SPRY3: variants seen among roughly 807,000 people sequenced by gnomAD.
The protein encoded by SPRY3 is sprouty RTK signaling antagonist 3.
A neutral mutation model predicts 20.2 loss-of-function variants in SPRY3; 15 were observed. The observed-to-expected ratio is 0.74, with a 90% CI of 0.50 to 1.14. The LOEUF (loss-of-function observed/expected upper bound fraction) is 1.14, where lower values mean the gene tolerates loss of function less well. Among genes scored for constraint, SPRY3 ranks in the 50% most tolerant of loss-of-function variants. The pLI is 0.00. For synonymous variants in SPRY3, 143 were observed against 136.5 expected (o/e 1.05, Z -0.33); for missense variants, 364 against 363.9 (o/e 1.00, Z 0.00).
At chrX:155,746,236 T>C (rs1156461000) in intron 2 of SPRY3, among the ~76,000 whole-genome samples, 1 of 152,054 alleles carries the variant, frequency 6.6e-6, no homozygotes, top group Non-Finnish European at 1.5e-5. Context: ...TTAATAATCT[T>C]TTACATTGAT....
rs192686349 is a variant in SPRY3 at position 155,729,609 on chromosome X, G to T, written c.-281-38353G>T. On this transcript the variant is annotated intron_variant, in intron 2 of 3. Coordinates refer to ENST00000675360, the Ensembl canonical transcript of SPRY3. The stretch of plus-strand genomic sequence containing the variant: ...AGCTGTAAGTGCCTATGTTAAAAAA[G>T]AATAAAAACTTCAAATAAATAACTG... Among the ~76,000 whole-genome samples the T allele has an allele frequency of 3.8e-4, 58 of 151,676 alleles. No individual in the cohort carries two copies. In the East Asian group the frequency reaches 0.01, roughly 27 times the overall value.
At chrX:155,720,084 C>T (rs968266618) in intron 2 of SPRY3, among the ~76,000 whole-genome samples, 3 of 152,100 alleles carry the variant, frequency 2.0e-5, no homozygotes, top group Admixed American at 6.5e-5. Context: ...AGGGTAAGTC[C>T]CAGACCAGGC....
At chrX:155,722,486 A>T (rs2091066204) in intron 2 of SPRY3, among the ~76,000 whole-genome samples, 1 of 152,152 alleles carries the variant, frequency 6.6e-6, no homozygotes, top group Non-Finnish European at 1.5e-5. Flanking sequence ...ATGCCTCTGC[A>T]CTCCAGCCTG....
rs1180081257 is a variant in SPRY3, at chrX:155,646,058, C to T, written c.-440-10809C>T. On this transcript the variant is annotated intron_variant, in intron 1 of 3. Transcript: ENST00000675360. ...CATTTGTTGAAAAAACTATTCTTCC[C>T]TTATTAGGTAATTTTGGCACACTTT... 4.5e-5 allele frequency among the ~76,000 whole-genome samples: 5 copies of T among 112,151 alleles called. No homozygotes were observed. In the East Asian group the frequency reaches 1.4e-3, roughly 31 times the overall value.
chrX:155,744,555 A>G (rs112400084), intron 2 of SPRY3, among the ~76,000 whole-genome samples: 167 of 152,236 alleles, frequency 1.1e-3, no homozygotes, highest in African/African-American at 3.9e-3. Context: ...AACGCAGTTT[A>G]AAGTGTTTCT....
chrX:155,654,263 A>T (rs1393918269), intron 1 of SPRY3, among the ~76,000 whole-genome samples: 1 of 112,056 alleles, frequency 8.9e-6, no homozygotes, highest in Admixed American at 9.5e-5. Flanking sequence ...TAAAGTGGTT[A>T]TTGATTTTTA....
intron 2 of SPRY3, among the ~76,000 whole-genome samples, chrX:155,674,842 T>A (rs1173075350): frequency 9.0e-6 from 1 of 111,622 alleles, no homozygotes; most frequent in Non-Finnish European, 1.9e-5. Context: ...TATGTCCAAC[T>A]CATCAACAAA....
chrX:155,755,708 A>T (rs2124586857), intron 2 of SPRY3, among the ~76,000 whole-genome samples: 1 of 152,206 alleles, frequency 6.6e-6, no homozygotes, highest in African/African-American at 2.4e-5. Flanking sequence ...GGAAGATTTT[A>T]AAATAAGCAA....
rs905713478 is a variant in SPRY3 at position 155,691,023 on chromosome X, G to A, written c.-282+33998G>A. On this transcript the variant is annotated intron_variant, in intron 2 of 3. Transcript: ENST00000675360. ...ATTTTTGTAACATTTTTATTTTATC[G>A]TATATGATTTGTGTCCTATCTAAGG... Among the ~76,000 whole-genome samples the A allele has an allele frequency of 1.0e-4, 9 of 85,733 alleles. 2 individuals carry two copies. Among genetic ancestry groups the A allele is most frequent in the Admixed American group, 2.5e-4 (2 of 7,882 alleles). 74.4% of individuals were successfully genotyped at this position (85,733 alleles called of 115,157 possible). A position where few individuals can be genotyped will look rare whatever the true frequency, so the allele number is the denominator to read the frequency against.
intron 2 of SPRY3, among the ~76,000 whole-genome samples, chrX:155,705,948 C>A (rs2090947813): frequency 6.6e-6 from 1 of 151,290 alleles, no homozygotes; most frequent in African/African-American, 2.4e-5. Flanking sequence ...ATTCTGTCAA[C>A]AGCTAGTAGA....
chrX:155,781,327 G>A (rs186586627), downstream of SPRY3: 2 of 167,010 alleles, frequency 1.2e-5, no homozygotes, highest in Admixed American at 6.5e-5. Context: ...AGTCAAAGTG[G>A]TGTTGTAGAA....
chrX:155,650,445 G>A (rs904834305), intron 1 of SPRY3, among the ~76,000 whole-genome samples: 2 of 111,189 alleles, frequency 1.8e-5, no homozygotes, highest in African/African-American at 3.3e-5. Flanking sequence ...GATTTTTAGC[G>A]ATTTTTAATT....
At chrX:155,738,116 G>C (rs1178395099) in intron 2 of SPRY3, among the ~76,000 whole-genome samples, 2 of 151,962 alleles carry the variant, frequency 1.3e-5, no homozygotes, top group Non-Finnish European at 2.9e-5. Context: ...AAATTTTGGG[G>C]AACTACAGGT....
intron 2 of SPRY3, among the ~76,000 whole-genome samples, chrX:155,740,070 A>T (rs1430929106): frequency 6.6e-6 from 1 of 152,128 alleles, no homozygotes; most frequent in East Asian, 1.9e-4. Context: ...CAGCAGAGGA[A>T]CATAAATTAT....
At chrX:155,740,713 C>A (rs2091200017) in intron 2 of SPRY3, among the ~76,000 whole-genome samples, 1 of 152,122 alleles carries the variant, frequency 6.6e-6, no homozygotes, top group Non-Finnish European at 1.5e-5. Context: ...TGAACATAGA[C>A]CCTTATCAGT....
chrX:155,766,857 G>A (rs1191071252), intron 2 of SPRY3, among the ~76,000 whole-genome samples: 2 of 152,218 alleles, frequency 1.3e-5, no homozygotes, highest in Non-Finnish European at 2.9e-5. Flanking sequence ...GGGAAAGTAG[G>A]TTGGGTAATG....
intron 2 of SPRY3, among the ~76,000 whole-genome samples, chrX:155,753,754 G>A (rs143299083): frequency 2.0e-5 from 3 of 152,038 alleles, no homozygotes; most frequent in African/African-American, 2.4e-5. Context: ...TCACTACCAC[G>A]TGTGATTGTC....
At chrX:155,711,981 T>A (rs1025538010) in intron 2 of SPRY3, among the ~76,000 whole-genome samples, 5 of 151,848 alleles carry the variant, frequency 3.3e-5, no homozygotes, top group African/African-American at 1.2e-4. Context: ...CAGGAGCATA[T>A]CATTTAATTT....
intron 2 of SPRY3, among the ~76,000 whole-genome samples, chrX:155,678,818 T>A (rs2068065120): frequency 8.9e-6 from 1 of 112,402 alleles, no homozygotes; most frequent in Admixed American, 9.4e-5. Context: ...CGTTTGATTT[T>A]GAAAACTTGT....
Sources: allele counts gnomAD v4.1 joint callset (sites outside exome capture counted in the v4.1 genomes callset), GRCh38; gene constraint gnomAD v4.1.1; transcripts MANE v1.5; gene names NCBI Gene and HGNC (gene_info 2026-07-23, HGNC 2026-07-21).